FGF12: variants seen among roughly 807,000 people sequenced by gnomAD.
FGF12 encodes fibroblast growth factor 12B.
Under a neutral mutation model 23.6 loss-of-function variants are expected in FGF12, and 14 were observed. The observed-to-expected ratio is 0.59, with a 90% CI of 0.39 to 0.93. FGF12 has a LOEUF of 0.93. Among genes scored for constraint, FGF12 ranks in the 40% least tolerant of loss-of-function variants. FGF12 has a pLI of 0.00. For missense variants in FGF12, 175 were observed against 217.8 expected, an observed-to-expected ratio of 0.80 and a Z score of 1.24; for synonymous variants, 62 against 77.3, an observed-to-expected ratio of 0.80 and a Z score of 1.04.
chr3:192,351,626 A>G (rs1024028638), intron 3 of FGF12, among the ~76,000 whole-genome samples: 18 of 152,184 alleles, frequency 1.2e-4, no homozygotes, highest in African/African-American at 4.1e-4. Context: ...AGCTAAATGA[A>G]ACACATTTGT....
chr3:192,194,999 G>C (rs1017140197), intron 4 of FGF12, among the ~76,000 whole-genome samples: 3 of 152,182 alleles, frequency 2.0e-5, no homozygotes, highest in Non-Finnish European at 2.9e-5. Context: ...GTGGTTTACA[G>C]TTTAATGGAG....
chr3:192,609,633 G>A (rs921375173), intron 2 of FGF12, among the ~76,000 whole-genome samples: 3 of 152,010 alleles, frequency 2.0e-5, no homozygotes, highest in African/African-American at 7.2e-5. Flanking sequence ...CAGTTACCGT[G>A]TTAGGGGCAA....
At chr3:192,639,390 T>C (rs865899791) in intron 2 of FGF12, among the ~76,000 whole-genome samples, 18 of 152,218 alleles carry the variant, frequency 1.2e-4, no homozygotes, top group African/African-American at 3.9e-4. Flanking sequence ...GAAAGCAGTA[T>C]GGAGATTTCC....
chr3:192,716,326 T>A (rs1718864930), intron 2 of FGF12, among the ~76,000 whole-genome samples: 2 of 152,124 alleles, frequency 1.3e-5, no homozygotes, highest in African/African-American at 4.8e-5. Context: ...AACGTCAACA[T>A]CCCTGTTAAA....
chr3:192,709,899 G>A (rs116571048), intron 2 of FGF12, among the ~76,000 whole-genome samples: 274 of 152,300 alleles, frequency 1.8e-3, no homozygotes, highest in African/African-American at 6.4e-3. Context: ...CATGAGGTCA[G>A]TCTCTTATTC....
intron 3 of FGF12, among the ~76,000 whole-genome samples, chr3:192,352,061 C>T (rs1202016433): frequency 6.6e-6 from 1 of 151,598 alleles, no homozygotes; most frequent in Non-Finnish European, 1.5e-5. Context: ...TTTTGTAATC[C>T]TCCAAACTTA....
chr3:192,437,644 TC>T (rs1247495138), intron 2 of FGF12, among the ~76,000 whole-genome samples: 1 of 151,194 alleles, frequency 6.6e-6, no homozygotes, highest in African/African-American at 2.4e-5. Context: ...TGAGCCAAGA[TC>T]ACACCACTGC....
intron 2 of FGF12, among the ~76,000 whole-genome samples, chr3:192,698,070 G>A (rs533680153): frequency 4.6e-5 from 7 of 151,928 alleles, no homozygotes; most frequent in African/African-American, 1.7e-4. Flanking sequence ...CATCACAGAA[G>A]GTAAACTTCA....
At chr3:192,576,451 G>A (rs1453518080) in intron 2 of FGF12, among the ~76,000 whole-genome samples, 1 of 152,160 alleles carries the variant, frequency 6.6e-6, no homozygotes, top group Non-Finnish European at 1.5e-5. Flanking sequence ...TGTTTAAGAA[G>A]AAAGTTTGAT....
chr3:192,671,674 G>A (rs947428103), intron 2 of FGF12, among the ~76,000 whole-genome samples: 2 of 151,984 alleles, frequency 1.3e-5, no homozygotes, highest in African/African-American at 4.8e-5. Context: ...ACGATAAATG[G>A]GATAACTCTT....
At chr3:192,178,125 C>T (rs1715960824) in intron 4 of FGF12, among the ~76,000 whole-genome samples, 1 of 152,142 alleles carries the variant, frequency 6.6e-6, no homozygotes, top group Non-Finnish European at 1.5e-5. Context: ...AGGCCTCTTT[C>T]TTTCTTAGGC....
At chr3:192,197,946 C>CAAAA (rs11328919) in intron 4 of FGF12, among the ~76,000 whole-genome samples, 8 of 49,126 alleles carry the variant, frequency 1.6e-4, no homozygotes, top group African/African-American at 4.6e-4. Context: ...AATTCCTCCT[C>CAAAA]AAAAAAAAAA....
intron 2 of FGF12, among the ~76,000 whole-genome samples, chr3:192,536,375 A>G (rs987683081): frequency 6.6e-6 from 1 of 152,186 alleles, no homozygotes; most frequent in African/African-American, 2.4e-5. Context: ...GTGAGAAATA[A>G]CTATTTTATA....
At chr3:192,456,832 C>T (rs1355747524) in intron 2 of FGF12, among the ~76,000 whole-genome samples, 2 of 152,150 alleles carry the variant, frequency 1.3e-5, no homozygotes, top group Non-Finnish European at 2.9e-5. Context: ...CCTATACACT[C>T]AAAAGCTAGG....
At chr3:192,639,335 C>A (rs900055368) in intron 2 of FGF12, among the ~76,000 whole-genome samples, 1 of 152,146 alleles carries the variant, frequency 6.6e-6, no homozygotes, top group Non-Finnish European at 1.5e-5. Context: ...AAAAGAGAAG[C>A]CTTTTACACT....
At position 192,155,016 on chromosome 3, in the gene FGF12, G is replaced by C. The variant is rs1380606291; in HGVS notation, c.428-10889C>G. Among the ~76,000 whole-genome samples the C allele has an allele frequency of 1.7e-3, 250 of 146,688 alleles. 2 individuals carry two copies. Among genetic ancestry groups the C allele is most frequent in the African/African-American group, 4.9e-3 (196 of 39,754 alleles). On this transcript the variant is annotated intron_variant, in intron 5 of 5. Coordinates refer to ENST00000445105, the MANE Select transcript of FGF12 (RefSeq NM_004113.6). ...GCCAGGTGTGGGATATAGTCTCGTG[G>C]TGCGCCGTTTTTTAAGCCGGTCTGA...
intron 2 of FGF12, among the ~76,000 whole-genome samples, chr3:192,372,067 A>T (rs561670466): frequency 6.6e-6 from 1 of 152,218 alleles, no homozygotes; most frequent in African/African-American, 2.4e-5. Flanking sequence ...CTATGCACAC[A>T]GAAAGTGTTC....
At chr3:192,661,742 T>A (rs1716679583) in intron 2 of FGF12, among the ~76,000 whole-genome samples, 1 of 152,184 alleles carries the variant, frequency 6.6e-6, no homozygotes, top group African/African-American at 2.4e-5. Flanking sequence ...GATTACCATG[T>A]TCCAGACAAA....
At chr3:192,508,453 T>A (rs1390950302) in intron 2 of FGF12, among the ~76,000 whole-genome samples, 1 of 152,204 alleles carries the variant, frequency 6.6e-6, no homozygotes, top group African/African-American at 2.4e-5. Context: ...GAAACTGAGA[T>A]AACAGATCTA....
Sources: gnomAD v4.1 joint callset for allele counts (sites outside exome capture counted in the v4.1 genomes callset) on GRCh38, gnomAD v4.1.1 for gene constraint, MANE v1.5 for transcripts, NCBI Gene and HGNC (gene_info 2026-07-23, HGNC 2026-07-21) for gene names.